The following DNAH12 variants were observed in gnomAD, a reference collection of about 807,000 sequenced individuals.
DNAH12 encodes axonemal beta dynein heavy chain 12.
A neutral mutation model predicts 371.5 loss-of-function variants in DNAH12; 285 were observed. The observed-to-expected ratio is 0.77, with a 90% CI of 0.70 to 0.85. The LOEUF (loss-of-function observed/expected upper bound fraction) is 0.85, where lower values mean the gene tolerates loss of function less well. Among genes scored for constraint, DNAH12 ranks in the 40% least tolerant of loss-of-function variants. DNAH12 has a pLI of 0.00. For synonymous variants in DNAH12, 1,200 were observed against 1,213.0 expected (o/e 0.99, Z 0.22); for missense variants, 3,611 against 3,689.4 (o/e 0.98, Z 0.55).
At chr3:57,522,526 G>C (rs2068488053) in intron 4 of DNAH12, among the ~76,000 whole-genome samples, 1 of 152,112 alleles carries the variant, frequency 6.6e-6, no homozygotes, top group Non-Finnish European at 1.5e-5. Flanking sequence ...TCCAGAAACG[G>C]GTGGCCAGGT....
intron 49 of DNAH12, among the ~76,000 whole-genome samples, chr3:57,384,047 T>C (rs1451674288): frequency 6.6e-6 from 1 of 152,156 alleles, no homozygotes; most frequent in African/African-American, 2.4e-5. Flanking sequence ...CTGAATACAC[T>C]GTTGACTCCC....
chr3:57,402,538 C>T, intron 43 of DNAH12: 3 of 815,452 alleles, frequency 3.7e-6, no homozygotes, highest in Non-Finnish European at 5.3e-6. Context: ...GAAATAAGTC[C>T]TCTCTGAACT....
intron 25 of DNAH12, among the ~76,000 whole-genome samples, chr3:57,448,101 A>G (rs1162125445): frequency 2.6e-5 from 4 of 152,224 alleles, no homozygotes; most frequent in African/African-American, 9.6e-5. Flanking sequence ...TATTGTGAAT[A>G]ATAAATATAC....
intron 4 of DNAH12, among the ~76,000 whole-genome samples, chr3:57,512,288 G>C (rs1172310455): frequency 6.6e-6 from 1 of 152,138 alleles, no homozygotes. Flanking sequence ...AAAGTAAATA[G>C]AGCAGTTAAA....
At chr3:57,436,885 G>T in intron 30 of DNAH12, 66 bp downstream of exon 30, 1 of 1,137,626 alleles carries the variant, frequency 8.8e-7, no homozygotes, top group Non-Finnish European at 1.2e-6. Flanking sequence ...TTTGGTTCAT[G>T]GATTTTAGTT....
intron 73 of DNAH12, among the ~76,000 whole-genome samples, chr3:57,294,838 C>T (rs908409409): frequency 6.6e-6 from 1 of 152,126 alleles, no homozygotes; most frequent in African/African-American, 2.4e-5. Flanking sequence ...ACTAAGGTCA[C>T]GTTTCTCATA....
rs2066337487 is a variant in DNAH12, at chr3:57,470,580, C to A, written c.1968G>T (p.Val656=). 2 of 1,548,692 alleles carry A rather than the reference C, an allele frequency of 1.3e-6. No individual in the cohort carries two copies. Among genetic ancestry groups the A allele is most frequent in the Non-Finnish European group, 1.7e-6 (2 of 1,146,432 alleles). The change falls in exon 16 of 74, where the codon GTG becomes GTT. Residue 656 remains valine, a synonymous_variant. Coordinates refer to ENST00000495027, the MANE Select transcript of DNAH12 (RefSeq NM_001366028.2). ...QKRIQESEEA[V]QFINKEEELF... ...GTTCCTCTTCTTTATTAATAAACTG[C>A]ACTGCTTCTTCAGATTCCTGAATAC...
chr3:57,311,083 G>C, intron 66 of DNAH12, 133 bp from the exon 67 acceptor site: 1 of 715,550 alleles, frequency 1.4e-6, no homozygotes. Flanking sequence ...AGCTGAGATT[G>C]TTAGTTTTTT....
intron 13 of DNAH12, among the ~76,000 whole-genome samples, chr3:57,480,340 C>G (rs1388749535): frequency 6.6e-6 from 1 of 152,034 alleles, no homozygotes; most frequent in Admixed American, 6.6e-5. Context: ...ATAAATTCCT[C>G]GACACATACA....
At chr3:57,390,408 CA>C (rs878912244) in intron 45 of DNAH12, among the ~76,000 whole-genome samples, 99 of 6,018 alleles carry the variant, frequency 0.016, 6 homozygotes, top group Non-Finnish European at 0.048. Flanking sequence ...GATCCTGTCT[CA>C]AAAAAAAAAA....
At chr3:57,420,109 T>G (rs964220895) in intron 36 of DNAH12, among the ~76,000 whole-genome samples, 1 of 152,242 alleles carries the variant, frequency 6.6e-6, no homozygotes, top group Non-Finnish European at 1.5e-5. Flanking sequence ...CTGTATTAAT[T>G]GTTATGATAC....
At chr3:57,443,363 G>C (rs1051493992) in intron 29 of DNAH12, among the ~76,000 whole-genome samples, 1 of 152,092 alleles carries the variant, frequency 6.6e-6, no homozygotes, top group Non-Finnish European at 1.5e-5. Context: ...ACCTGCCTCG[G>C]CCTCCCAAAG....
chr3:57,442,581 A>C (rs1196940884), intron 29 of DNAH12, among the ~76,000 whole-genome samples: 1 of 152,224 alleles, frequency 6.6e-6, no homozygotes, highest in Admixed American at 6.5e-5. Flanking sequence ...ATCCAAAAGA[A>C]GTCAGTAAAA....
Position 57,458,221 on chromosome 3 carries a change from C to A in DNAH12, c.2932-1G>T. 4 of 1,540,120 alleles carry A rather than the reference C, an allele frequency of 2.6e-6. No individual in the cohort carries two copies. Among genetic ancestry groups the A allele is most frequent in the Non-Finnish European group, 3.5e-6 (4 of 1,144,350 alleles). Reference sequence around the variant, plus strand: ...CTGTTAAAGAAGTGGCAGCAAGAACCTAAACGAGACACATGCATTCAAGTC... The same window carrying A: ...CTGTTAAAGAAGTGGCAGCAAGAACATAAACGAGACACATGCATTCAAGTC... On this transcript the variant is annotated splice_acceptor_variant, in intron 20 of 73. Coordinates refer to ENST00000495027, the MANE Select transcript of DNAH12 (RefSeq NM_001366028.2). LOFTEE classifies it high-confidence loss of function.
rs1166721498 is a variant in DNAH12 at position 57,454,125 on chromosome 3, CAT to C, written c.3456+648_3456+649del. 5.3e-5 allele frequency among the ~76,000 whole-genome samples: 8 copies of C among 151,852 alleles called. No individual in the cohort carries two copies. The East Asian group carries it at 1.5e-3, about 29-fold the overall frequency. On this transcript the variant is annotated intron_variant, in intron 23 of 73. Coordinates refer to ENST00000495027, the MANE Select transcript of DNAH12 (RefSeq NM_001366028.2). ...CCCTGTCTCTAAACACACACACACA[CAT>C]ACACACATGGAGAAATGAATTTTGT...
intron 43 of DNAH12, among the ~76,000 whole-genome samples, chr3:57,399,750 A>G (rs1164880091): frequency 6.6e-6 from 1 of 152,108 alleles, no homozygotes; most frequent in Non-Finnish European, 1.5e-5. Context: ...TCCTCAGCCT[A>G]CCCAACATGA....
intron 55 of DNAH12, among the ~76,000 whole-genome samples, chr3:57,374,186 T>C (rs1228381037): frequency 1.3e-5 from 2 of 152,216 alleles, no homozygotes; most frequent in Non-Finnish European, 1.5e-5. Context: ...ATTCACTAAG[T>C]TATCTTTACT....
chr3:57,370,763 A>G (rs917697921), intron 55 of DNAH12, among the ~76,000 whole-genome samples: 297 of 152,308 alleles, frequency 1.9e-3, no homozygotes, highest in African/African-American at 6.8e-3. Context: ...CCAAACAGAT[A>G]AAACTAAAAT....
chr3:57,351,267 AAAACAAACAAAC>A lies in DNAH12; in HGVS notation c.9674+806_9674+817del, dbSNP rs565309167. ...CTGGGCAACAGAGTGAGACTGTCTC[AAAACAAACAAAC>A]AAACAAACAAACAAAAAACCAACAA... On this transcript the variant is annotated intron_variant, in intron 60 of 73. Transcript: ENST00000495027. 3.7e-3 allele frequency among the ~76,000 whole-genome samples: 567 copies of A among 151,990 alleles called. 5 individuals carry two copies. Among genetic ancestry groups the A allele is most frequent in the African/African-American group, 0.013 (539 of 41,432 alleles).
Sources: allele counts gnomAD v4.1 joint callset (sites outside exome capture counted in the v4.1 genomes callset), GRCh38; gene constraint gnomAD v4.1.1; transcripts MANE v1.5; gene names NCBI Gene and HGNC (gene_info 2026-07-23, HGNC 2026-07-21).